MFSD1: variants seen among roughly 807,000 people sequenced by gnomAD.
MFSD1 encodes major facilitator superfamily domain containing 1, also known as lysosomal dipeptide transporter MFSD1.
A neutral mutation model predicts 67.1 loss-of-function variants in MFSD1; 59 were observed. The observed-to-expected ratio is 0.88, with a 90% CI of 0.71 to 1.09. The LOEUF (loss-of-function observed/expected upper bound fraction) is 1.09. Ranked by LOEUF, MFSD1 falls within the 50% of genes least tolerant of loss-of-function variation. The probability of loss-of-function intolerance (pLI) is 0.00; values close to 1 mark genes in which losing one functional copy is unlikely to be tolerated. For synonymous variants in MFSD1, 213 were observed against 200.3 expected, an observed-to-expected ratio of 1.06 and a Z score of -0.54; for missense variants, 552 against 566.1, an observed-to-expected ratio of 0.97 and a Z score of 0.25.
intron 3 of MFSD1, among the ~76,000 whole-genome samples, chr3:158,805,837 A>T (rs559141910): frequency 1.1e-4 from 16 of 152,286 alleles, no homozygotes; most frequent in Non-Finnish European, 2.2e-4. Flanking sequence ...TTGCCAAAAT[A>T]TAGATGATTC....
rs941680351 is a variant in MFSD1 at position 158,828,861 on chromosome 3, T to C, written c.1395-118T>C. On this transcript the variant is annotated intron_variant, in intron 15 of 15. Transcript: ENST00000415822. ...GTTAAAAAATTGCTCAGAAAAAAAATGTGTAGCTTAGTATTTGCTATTACA... is the reference window on the plus strand; with the variant it reads ...GTTAAAAAATTGCTCAGAAAAAAAACGTGTAGCTTAGTATTTGCTATTACA... 2.0e-5 allele frequency: 18 copies of C among 893,342 alleles called. No homozygotes were observed. The Admixed American group carries it at 5.6e-4, about 28-fold the overall frequency. The allele number at this position is 893,342 out of a possible 1,614,324, so 55.3% of individuals were successfully genotyped here.
chr3:158,827,183 T>G (rs1731016406), intron 14 of MFSD1, 97 bp from the exon 15 acceptor site: 1 of 684,320 alleles, frequency 1.5e-6, no homozygotes, highest in African/African-American at 1.9e-5. Flanking sequence ...TAAAATACAG[T>G]GTATCTATGC....
chr3:158,827,976 G>GACAC (rs1371636474), intron 15 of MFSD1, among the ~76,000 whole-genome samples: 1 of 78,874 alleles, frequency 1.3e-5, no homozygotes, highest in African/African-American at 4.9e-5. Context: ...GAGAGAGAGA[G>GACAC]AGACAGAGAT....
At chr3:158,827,482 A>C (rs1401674827) in intron 15 of MFSD1, 145 bp downstream of exon 15, 1 of 476,824 alleles carries the variant, frequency 2.1e-6, no homozygotes, top group Non-Finnish European at 3.6e-6. Flanking sequence ...TGGCATGGTC[A>C]CAGCTCACTG....
rs1730939843 is a variant in MFSD1, at chr3:158,825,874, A to G, written c.1289-141A>G. Reference sequence around the variant, plus strand: ...ATTTTTAGTGCTTTTGGAAAATAAAATAATGGGAATAATATTTTTATTTAA... The same window carrying G: ...ATTTTTAGTGCTTTTGGAAAATAAAGTAATGGGAATAATATTTTTATTTAA... On this transcript the variant is annotated intron_variant, in intron 13 of 15. Transcript: ENST00000415822. 2.5e-5 allele frequency: 17 copies of G among 680,650 alleles called. 1 individual carries two copies. In the East Asian group the frequency reaches 4.5e-4, roughly 18 times the overall value. 42.2% of individuals were successfully genotyped at this position (680,650 alleles called of 1,614,324 possible). A position where few individuals can be genotyped will look rare whatever the true frequency, so the allele number is the denominator to read the frequency against.
intron 13 of MFSD1, 111 bp from the exon 14 acceptor site, chr3:158,825,904 G>T: frequency 1.3e-6 from 1 of 766,464 alleles, no homozygotes; most frequent in East Asian, 2.5e-5. Context: ...ATTTAAAATA[G>T]CAATTAATAA....
chr3:158,805,561 A>T, intron 3 of MFSD1, 87 bp downstream of exon 3: 1 of 990,678 alleles, frequency 1.0e-6, no homozygotes, highest in Non-Finnish European at 1.6e-6. Flanking sequence ...GAAAGAGCTG[A>T]ATAAACTTCT....
At chr3:158,827,930 G>T (rs376601688) in intron 15 of MFSD1, among the ~76,000 whole-genome samples, 1 of 14,886 alleles carries the variant, frequency 6.7e-5, no homozygotes, top group South Asian at 2.5e-3. Flanking sequence ...GAGAGAGAGA[G>T]AGAGAGAGAG....
At position 158,821,595 on chromosome 3, in the gene MFSD1, A is replaced by T; in HGVS notation, c.864-2A>T. The stretch of plus-strand genomic sequence containing the variant: ...CTAATTTCTCTGTCTTTTTAATTTT[A>T]GAGTTTTCTTTACAGAGAAATTTGG... On this transcript the variant is annotated splice_acceptor_variant, in intron 9 of 15. Coordinates refer to ENST00000415822, the MANE Select transcript of MFSD1 (RefSeq NM_022736.4). LOFTEE classifies it high-confidence loss of function. 6.3e-7 allele frequency: 1 copy of T among 1,598,342 alleles called. No homozygotes were observed. The highest frequency in any genetic ancestry group is 2.2e-5 in the East Asian group (1 of 44,720).
At chr3:158,802,636 T>C in intron 1 of MFSD1, 1 of 595,960 alleles carries the variant, frequency 1.7e-6, no homozygotes, top group Non-Finnish European at 3.1e-6. Flanking sequence ...ATTTTCAAGG[T>C]TCCTCTTTTG....
At chr3:158,820,414 T>C (rs984867762) in intron 9 of MFSD1, 88 bp downstream of exon 9, 2 of 868,556 alleles carry the variant, frequency 2.3e-6, no homozygotes, top group African/African-American at 1.7e-5. Context: ...GCAGTAAATC[T>C]TGCTTCTCTG....
At chr3:158,812,468 C>T (rs542850208) in intron 6 of MFSD1, among the ~76,000 whole-genome samples, 1 of 152,290 alleles carries the variant, frequency 6.6e-6, no homozygotes, top group East Asian at 1.9e-4. Context: ...CCCTACCACT[C>T]TCATAATCCC....
chr3:158,822,228 G>C, intron 11 of MFSD1, 88 bp downstream of exon 11: 1 of 1,298,682 alleles, frequency 7.7e-7, no homozygotes. Context: ...AGCAAATTCA[G>C]ATGACAAGGC....
chr3:158,826,112 G>A lies in MFSD1; in HGVS notation c.1336+50G>A, dbSNP rs376911338. On this transcript the variant is annotated intron_variant, in intron 14 of 15. Transcript: ENST00000415822. ...TTCTTAAACCGCAGTGGATCATCTT[G>A]TGGGGTCTCTGGGTCTGCCTCTTTG... 26 of 1,522,748 alleles carry A rather than the reference G, an allele frequency of 1.7e-5. No homozygotes were observed. In the African/African-American group the frequency reaches 3.4e-4, roughly 20 times the overall value. 94.3% of individuals were successfully genotyped at this position (1,522,748 alleles called of 1,614,324 possible). A position where few individuals can be genotyped will look rare whatever the true frequency, so the allele number is the denominator to read the frequency against.
intron 5 of MFSD1, among the ~76,000 whole-genome samples, chr3:158,808,423 C>G (rs1729833008): frequency 6.6e-6 from 1 of 152,024 alleles, no homozygotes; most frequent in South Asian, 2.1e-4. Flanking sequence ...AATTAAAACC[C>G]AGGAAGTAGG....
At position 158,822,090 on chromosome 3, in the gene MFSD1, G is replaced by A. The variant is rs142146077; in HGVS notation, c.1027G>A (p.Val343Met). The stretch of plus-strand genomic sequence containing the variant: ...TCTTTGCGCAGTAGCAGCCACTCTT[G>A]TGTCCCACATGATGCTGGCCTTTAC... The part of the protein sequence containing the change: ...WVLCAVAATL[V>M]SHMMLAFTMW... The change falls in exon 11 of 16, where the codon GTG (valine) becomes ATG (methionine). Residue 343 changes from valine to methionine, a missense_variant. Val to Met is a conservative substitution (Grantham distance 21). Transcript: ENST00000415822. The A allele has an allele frequency of 4.5e-5, 73 of 1,613,958 alleles. No individual in the cohort carries two copies. The African/African-American group carries it at 8.8e-4, about 19-fold the overall frequency.
intron 10 of MFSD1, 78 bp from the exon 11 acceptor site, chr3:158,821,906 G>A: frequency 6.8e-7 from 1 of 1,464,716 alleles, no homozygotes; most frequent in South Asian, 1.2e-5. Context: ...TGCTTTGCCT[G>A]ATATTTTCAA....
At chr3:158,808,561 TA>T (rs1180875532) in intron 5 of MFSD1, among the ~76,000 whole-genome samples, 1 of 152,220 alleles carries the variant, frequency 6.6e-6, no homozygotes, top group Non-Finnish European at 1.5e-5. Context: ...GCATTTTATA[TA>T]ATATCGATGG....
Position 158,824,221 on chromosome 3 carries a change from A to G in MFSD1, c.1273A>G (p.Ile425Val), listed in dbSNP as rs1730838624. Residue 425 changes from isoleucine to valine, a missense_variant, in exon 13 of 16, where the codon ATT becomes GTT. By Grantham distance (29) the Ile-to-Val change is conservative. Transcript: ENST00000415822. ...GTATTTGTTTTTGGAAGTGTTCTTC[A>G]TTGCCTGTGTTTCTTGTGAGTATTC... ...RGYLFLEVFF[I>V]ACVSLSLLSV... The G allele has an allele frequency of 2.5e-6, 4 of 1,608,176 alleles. No individual in the cohort carries two copies. Among genetic ancestry groups the G allele is most frequent in the East Asian group, 4.5e-5 (2 of 44,766 alleles).
Sources: gnomAD v4.1 joint callset for allele counts (sites outside exome capture counted in the v4.1 genomes callset) on GRCh38, gnomAD v4.1.1 for gene constraint, MANE v1.5 for transcripts, NCBI Gene and HGNC (gene_info 2026-07-23, HGNC 2026-07-21) for gene names.